The following CSMD1 variants were observed in gnomAD, a reference collection of about 807,000 sequenced individuals.
The protein encoded by CSMD1 is CUB and Sushi multiple domains 1.
CSMD1 carries 213 observed loss-of-function variants against 417.5 expected under a neutral mutation model. The observed-to-expected ratio is 0.51, with a 90% CI of 0.46 to 0.57. The LOEUF is 0.57. Among genes scored for constraint, CSMD1 ranks in the 20% least tolerant of loss-of-function variants. The probability of loss-of-function intolerance (pLI) is 0.00; values close to 1 mark genes in which losing one functional copy is unlikely to be tolerated. For synonymous variants in CSMD1, 2,862 were observed against 1,736.8 expected (o/e 1.65, Z -16.11); for missense variants, 6,923 against 4,529.7 (o/e 1.53, Z -15.17).
At chr8:3,303,493 A>T (rs1804572828) in intron 25 of CSMD1, among the ~76,000 whole-genome samples, 1 of 152,194 alleles carries the variant, frequency 6.6e-6, no homozygotes, top group African/African-American at 2.4e-5. Context: ...ATATGCGTCC[A>T]ATGTTTTTCA....
At chr8:4,405,242 C>T (rs1263195235) in intron 3 of CSMD1, among the ~76,000 whole-genome samples, 5 of 152,106 alleles carry the variant, frequency 3.3e-5, no homozygotes, top group African/African-American at 1.2e-4. Flanking sequence ...AATGGAAATG[C>T]TTAGCTTGGA....
chr8:3,472,555 A>C (rs1817167269), intron 11 of CSMD1, among the ~76,000 whole-genome samples: 1 of 151,980 alleles, frequency 6.6e-6, no homozygotes, highest in Admixed American at 6.6e-5. Context: ...GTGCACAAGA[A>C]AGATGATGAA....
Position 3,064,291 on chromosome 8 carries a change from G to C in CSMD1, c.7475-11644C>G, listed in dbSNP as rs531453811. Among the ~76,000 whole-genome samples, 3 of 152,320 alleles carry C rather than the reference G, an allele frequency of 2.0e-5. No homozygotes were observed. In the South Asian group the frequency reaches 6.2e-4, roughly 32 times the overall value. ...GGCGGGGCCTGGTGGGAGGTGACTGGATCATGAAGGCAGCTGTTCTCATGA... is the reference window on the plus strand; with the variant it reads ...GGCGGGGCCTGGTGGGAGGTGACTGCATCATGAAGGCAGCTGTTCTCATGA... On this transcript the variant is annotated intron_variant, in intron 49 of 69. Transcript: ENST00000635120.
At chr8:3,432,363 A>G (rs1814270067) in intron 12 of CSMD1, among the ~76,000 whole-genome samples, 1 of 152,182 alleles carries the variant, frequency 6.6e-6, no homozygotes, top group Non-Finnish European at 1.5e-5. Context: ...TCAAGTGATG[A>G]AATGTATTTA....
chr8:3,107,661 G>T, intron 45 of CSMD1, 57 bp downstream of exon 45: 1 of 930,816 alleles, frequency 1.1e-6, no homozygotes, highest in Non-Finnish European at 1.7e-6. Context: ...ACAATGAGAA[G>T]TGGGTGTAAA....
intron 1 of CSMD1, among the ~76,000 whole-genome samples, chr8:4,953,568 T>C (rs926919438): frequency 6.6e-6 from 1 of 152,152 alleles, no homozygotes; most frequent in Admixed American, 6.6e-5. Flanking sequence ...TTTCTCACTG[T>C]TGAGAAACGA....
chr8:3,919,972 G>A (rs1236850859), intron 5 of CSMD1, among the ~76,000 whole-genome samples: 2 of 151,646 alleles, frequency 1.3e-5, no homozygotes, highest in Non-Finnish European at 1.5e-5. Context: ...TTTTTAGTGT[G>A]TAATCTGTGA....
intron 5 of CSMD1, among the ~76,000 whole-genome samples, chr8:3,977,087 C>G (rs1384878657): frequency 6.7e-6 from 1 of 148,888 alleles, no homozygotes; most frequent in African/African-American, 2.6e-5. Context: ...ATTTTTGCTT[C>G]TTTCCTTTCA....
intron 3 of CSMD1, among the ~76,000 whole-genome samples, chr8:4,243,774 G>A (rs996893728): frequency 1.3e-5 from 2 of 152,144 alleles, no homozygotes; most frequent in Non-Finnish European, 2.9e-5. Context: ...AGTATTCAAC[G>A]AGGAAAGAAA....
chr8:4,831,112 A>T (rs955574721), intron 1 of CSMD1, among the ~76,000 whole-genome samples: 1 of 152,214 alleles, frequency 6.6e-6, no homozygotes, highest in African/African-American at 2.4e-5. Flanking sequence ...CCTATGCCTT[A>T]GGAAAAAAGA....
chr8:4,155,446 G>T (rs550482714), intron 3 of CSMD1, among the ~76,000 whole-genome samples: 4 of 152,144 alleles, frequency 2.6e-5, no homozygotes, highest in Non-Finnish European at 4.4e-5. Flanking sequence ...CCTTGTTTGG[G>T]AAATGAAAAT....
At chr8:3,654,387 T>C (rs1275389598) in intron 7 of CSMD1, among the ~76,000 whole-genome samples, 1 of 152,182 alleles carries the variant, frequency 6.6e-6, no homozygotes, top group African/African-American at 2.4e-5. Flanking sequence ...TGCGTATAAA[T>C]AGCAGAGATG....
rs902339789 is a variant in CSMD1 at position 4,874,757 on chromosome 8, T to C, written c.85+119575A>G. 5.3e-5 allele frequency among the ~76,000 whole-genome samples: 8 copies of C among 151,472 alleles called. 1 individual carries two copies. The highest frequency in any genetic ancestry group is 2.0e-4 in the Admixed American group (3 of 15,164). ...ACACCTTAAGTTATATAGATGGATA[T>C]TTCATATAGACAGAAAGAAATAGAG... is the stretch of plus-strand genomic sequence containing the variant. On this transcript the variant is annotated intron_variant, in intron 1 of 69. Coordinates refer to ENST00000635120, the MANE Select transcript of CSMD1 (RefSeq NM_033225.6).
At chr8:4,392,378 G>T (rs1198166698) in intron 3 of CSMD1, among the ~76,000 whole-genome samples, 1 of 152,128 alleles carries the variant, frequency 6.6e-6, no homozygotes, top group Non-Finnish European at 1.5e-5. Flanking sequence ...AGAAAATAGA[G>T]ATTAAAATCA....
intron 2 of CSMD1, among the ~76,000 whole-genome samples, chr8:4,437,393 C>T (rs778258436): frequency 6.6e-6 from 1 of 152,260 alleles, no homozygotes; most frequent in Non-Finnish European, 1.5e-5. Context: ...TTACTGTAAT[C>T]ATGACTAGCA....
At chr8:3,496,409 A>G (rs73658130) in intron 10 of CSMD1, among the ~76,000 whole-genome samples, 3,378 of 152,220 alleles carry the variant, frequency 0.022, 122 homozygotes, top group African/African-American at 0.075. Flanking sequence ...GCCTCAACCT[A>G]CAAGAACTCA....
intron 5 of CSMD1, among the ~76,000 whole-genome samples, chr8:3,918,158 G>C (rs545746278): frequency 3.3e-5 from 5 of 152,072 alleles, no homozygotes; most frequent in African/African-American, 4.8e-5. Flanking sequence ...GTAAACATGG[G>C]AGTGAAAGTG....
intron 69 of CSMD1, among the ~76,000 whole-genome samples, chr8:2,940,156 G>C (rs1047642473): frequency 5.3e-5 from 8 of 152,190 alleles, no homozygotes; most frequent in African/African-American, 1.9e-4. Context: ...AGTGTAGAGA[G>C]TGCTACAGGC....
At chr8:4,639,023 T>A (rs903004854) in intron 1 of CSMD1, among the ~76,000 whole-genome samples, 4 of 152,130 alleles carry the variant, frequency 2.6e-5, no homozygotes, top group African/African-American at 9.7e-5. Flanking sequence ...TCTGGGAGAT[T>A]AGTAACAGCT....
Sources: allele counts gnomAD v4.1 joint callset (sites outside exome capture counted in the v4.1 genomes callset), GRCh38; gene constraint gnomAD v4.1.1; transcripts MANE v1.5; gene names NCBI Gene and HGNC (gene_info 2026-07-23, HGNC 2026-07-21).